FAM124B: variants seen among roughly 807,000 people sequenced by gnomAD.
FAM124B encodes family with sequence similarity 124 member B.
Under a neutral mutation model 19.7 loss-of-function variants are expected in FAM124B, and 18 were observed. The observed-to-expected ratio is 0.92, with a 90% CI of 0.63 to 1.36. The LOEUF (loss-of-function observed/expected upper bound fraction) is 1.36, where lower values mean the gene tolerates loss of function less well. Ranked by LOEUF, FAM124B falls within the 40% of genes most tolerant of loss-of-function variation. The probability of loss-of-function intolerance (pLI) is 0.00; values close to 1 mark genes in which losing one functional copy is unlikely to be tolerated. For missense variants in FAM124B, 540 were observed against 553.3 expected, an observed-to-expected ratio of 0.98 and a Z score of 0.24; for synonymous variants, 223 against 225.2, an observed-to-expected ratio of 0.99 and a Z score of 0.09.
chr2:224,397,096 C>T (rs1689984608), intron 1 of FAM124B, among the ~76,000 whole-genome samples: 1 of 152,166 alleles, frequency 6.6e-6, no homozygotes, highest in Non-Finnish European at 1.5e-5. Flanking sequence ...TTGGCTGTGT[C>T]CTCACCCAAA....
At chr2:224,397,693 T>C (rs1689995448) in intron 1 of FAM124B, among the ~76,000 whole-genome samples, 2 of 152,212 alleles carry the variant, frequency 1.3e-5, no homozygotes, top group African/African-American at 2.4e-5. Flanking sequence ...TATTGGGAAC[T>C]GGAACAAAGG....
At chr2:224,393,960 G>A (rs1689928544) in intron 1 of FAM124B, among the ~76,000 whole-genome samples, 1 of 152,138 alleles carries the variant, frequency 6.6e-6, no homozygotes, top group Admixed American at 6.5e-5. Flanking sequence ...CAGGGGCAAT[G>A]GCAACACACA....
chr2:224,385,892 C>G (rs967848664), intron 1 of FAM124B, among the ~76,000 whole-genome samples: 1 of 152,170 alleles, frequency 6.6e-6, no homozygotes, highest in African/African-American at 2.4e-5. Context: ...CTGGAGCAGG[C>G]CATCATCACC....
At position 224,379,656 on chromosome 2, in the gene FAM124B, T is replaced by C. The variant is rs1340219718; in HGVS notation, c.1285A>G (p.Arg429Gly). 1.9e-6 allele frequency: 3 copies of C among 1,551,584 alleles called. No individual in the cohort carries two copies. The African/African-American group carries it at 4.1e-5, about 21-fold the overall frequency. The change falls in exon 2 of 2, where the codon AGG becomes GGG. Residue 429 changes from arginine (R) to glycine (G), a missense_variant. By Grantham distance (125) the Arg-to-Gly change is moderately radical. Coordinates refer to ENST00000409685, the MANE Select transcript of FAM124B (RefSeq NM_001122779.2). ...PLAGQRDLGT[R>G]KTISECLLHL... is the part of the protein sequence containing the mutation. ...AGGAGACATTCTGAAATTGTCTTCC[T>C]GGTACCAAGGTCCCTTTGGCCAGCA...
intron 1 of FAM124B, among the ~76,000 whole-genome samples, chr2:224,397,283 C>A (rs1689988482): frequency 6.6e-6 from 1 of 152,164 alleles, no homozygotes; most frequent in Admixed American, 6.6e-5. Flanking sequence ...CTCTTTGCCA[C>A]CTACTGCTAT....
At position 224,379,619 on chromosome 2, in the gene FAM124B, A is replaced by T; in HGVS notation, c.1322T>A (p.Val441Asp). ...TISECLLHLQ[V>D]QGEEKEEDEE... ...ATCTTCTTCTTTTTCTTCACCCTGA[A>T]CTTGCAGATGAAGGAGACATTCTGA... Residue 441 changes from valine (V) to aspartate (D), a missense_variant, in exon 2 of 2, where the codon GTT (valine) becomes GAT (aspartate). Coordinates refer to ENST00000409685, the MANE Select transcript of FAM124B (RefSeq NM_001122779.2). The T allele has an allele frequency of 6.4e-7, 1 of 1,550,618 alleles. No individual in the cohort carries two copies. Among genetic ancestry groups the T allele is most frequent in the Non-Finnish European group, 8.7e-7 (1 of 1,146,434 alleles).
At chr2:224,393,699 G>T (rs540368140) in intron 1 of FAM124B, among the ~76,000 whole-genome samples, 59 of 152,294 alleles carry the variant, frequency 3.9e-4, no homozygotes, top group Non-Finnish European at 5.6e-4. Flanking sequence ...ACCTGGGAGG[G>T]ACCTCAAGGC....
intron 1 of FAM124B, among the ~76,000 whole-genome samples, chr2:224,384,063 C>T (rs1169312874): frequency 6.6e-6 from 1 of 152,172 alleles, no homozygotes; most frequent in Non-Finnish European, 1.5e-5. Flanking sequence ...TGAAATTGGT[C>T]CTGAAGCCCC....
intron 1 of FAM124B, among the ~76,000 whole-genome samples, chr2:224,381,775 C>T (rs186494189): frequency 9.9e-5 from 15 of 152,082 alleles, no homozygotes; most frequent in South Asian, 6.2e-4. Context: ...AGGCTCTTTT[C>T]GGGGGGAAGG....
chr2:224,380,802 G>C (rs932403054), intron 1 of FAM124B, among the ~76,000 whole-genome samples: 14 of 152,108 alleles, frequency 9.2e-5, no homozygotes, highest in African/African-American at 3.4e-4. Context: ...TAGAGGCCTG[G>C]TATTGCATGA....
At chr2:224,387,557 A>G (rs958208597) in intron 1 of FAM124B, among the ~76,000 whole-genome samples, 1 of 152,220 alleles carries the variant, frequency 6.6e-6, no homozygotes, top group Non-Finnish European at 1.5e-5. Flanking sequence ...CAATTAACTG[A>G]TCCTTTGAAA....
At chr2:224,382,793 G>A (rs1338799840) in intron 1 of FAM124B, among the ~76,000 whole-genome samples, 1 of 152,082 alleles carries the variant, frequency 6.6e-6, no homozygotes, top group Non-Finnish European at 1.5e-5. Context: ...GACGTACAGA[G>A]GGTAGCCTCT....
chr2:224,393,982 G>A (rs938219487), intron 1 of FAM124B, among the ~76,000 whole-genome samples: 3 of 152,104 alleles, frequency 2.0e-5, no homozygotes, highest in East Asian at 1.9e-4. Context: ...GCAACTGGGG[G>A]CCCAGTGAGG....
Position 224,401,987 on chromosome 2 carries a change from T to C in FAM124B, c.-219A>G. 1.8e-6 allele frequency: 1 copy of C among 547,238 alleles called. No individual in the cohort carries two copies. 33.9% of individuals were successfully genotyped at this position (547,238 alleles called of 1,614,324 possible). On this transcript the variant is annotated 5_prime_UTR_variant, in exon 1 of 2. Coordinates refer to ENST00000409685, the MANE Select transcript of FAM124B (RefSeq NM_001122779.2). ...TCACACCAGCTCGGGTTCAGCAGCCTCCCTCTCCACACAGCAGCAGCGGGG... is the reference window on the plus strand; with the variant it reads ...TCACACCAGCTCGGGTTCAGCAGCCCCCCTCTCCACACAGCAGCAGCGGGG...
intron 1 of FAM124B, among the ~76,000 whole-genome samples, chr2:224,390,632 G>A (rs986724605): frequency 6.6e-6 from 1 of 151,166 alleles, no homozygotes; most frequent in South Asian, 2.1e-4. Flanking sequence ...AACATACACC[G>A]CTCAGACATT....
intron 1 of FAM124B, among the ~76,000 whole-genome samples, chr2:224,391,369 G>A (rs980182692): frequency 6.7e-6 from 1 of 149,694 alleles, no homozygotes; most frequent in Non-Finnish European, 1.5e-5. Context: ...AGAAAGAAAC[G>A]TTCGTTGGTA....
chr2:224,380,826 G>C (rs1689702516), intron 1 of FAM124B, among the ~76,000 whole-genome samples: 2 of 152,042 alleles, frequency 1.3e-5, no homozygotes, highest in African/African-American at 4.8e-5. Flanking sequence ...AACAAAAAGG[G>C]GGCATGGCTT....
chr2:224,379,340 C>A lies in FAM124B; in HGVS notation c.*233G>T. The A allele has an allele frequency of 1.9e-6, 1 of 531,298 alleles. No homozygotes were observed. The highest frequency in any genetic ancestry group is 3.1e-6 in the Non-Finnish European group (1 of 320,016). The allele number at this position is 531,298 out of a possible 1,614,324, so 32.9% of individuals were successfully genotyped here. On this transcript the variant is annotated 3_prime_UTR_variant, in exon 2 of 2. Coordinates refer to ENST00000409685, the MANE Select transcript of FAM124B (RefSeq NM_001122779.2). ...TGCATCTCCACGGAACAAAAGCATT[C>A]GGTTTTTTTCCCTGTGTGTTGGCTG...
At chr2:224,389,630 GGGAGAGGAGGGCT>G (rs1379403455) in intron 1 of FAM124B, among the ~76,000 whole-genome samples, 1 of 152,126 alleles carries the variant, frequency 6.6e-6, no homozygotes, top group Non-Finnish European at 1.5e-5. Flanking sequence ...GTCGGGGGCG[GGGAGAGGAGGGCT>G]GCAGATGATG....
Sources: gnomAD v4.1 joint callset for allele counts (sites outside exome capture counted in the v4.1 genomes callset) on GRCh38, gnomAD v4.1.1 for gene constraint, MANE v1.5 for transcripts, NCBI Gene and HGNC (gene_info 2026-07-23, HGNC 2026-07-21) for gene names.